Variants in TMEM259 observed in about 807,000 individuals in gnomAD.
TMEM259 encodes transmembrane protein 259.
Under a neutral mutation model 46.7 loss-of-function variants are expected in TMEM259, and 26 were observed. That is an observed-to-expected ratio of 0.56 (90% confidence interval 0.41 to 0.77). TMEM259 has a LOEUF of 0.77. Ranked by LOEUF, TMEM259 falls within the 30% of genes least tolerant of loss-of-function variation. TMEM259 has a pLI of 0.00. For missense variants in TMEM259, 930 were observed against 900.5 expected (o/e 1.03, Z -0.42); for synonymous variants, 494 against 395.1 (o/e 1.25, Z -2.97).
Position 1,010,138 on chromosome 19 carries a change from T to A in TMEM259, c.*212A>T, listed in dbSNP as rs531462585. ...CCACCCCCTCTCCTTGCTGACCAGC[T>A]CAAACACCTCACTAGCGGGTACAAG... On this transcript the variant is annotated 3_prime_UTR_variant, in exon 11 of 11. Transcript: ENST00000356663. The A allele has an allele frequency of 1.9e-6, 1 of 525,982 alleles. No homozygotes were observed. Among genetic ancestry groups the A allele is most frequent in the Admixed American group, 3.9e-5 (1 of 25,824 alleles). The allele number at this position is 525,982 out of a possible 1,614,324, so 32.6% of individuals were successfully genotyped here.
intron 5 of TMEM259, 33 bp downstream of exon 5, chr19:1,012,033 C>T: frequency 1.2e-6 from 2 of 1,611,752 alleles, no homozygotes. Context: ...CCCACCCGCG[C>T]CCTCGCACCC....
Position 1,010,392 on chromosome 19 carries a change from G to A in TMEM259, c.1821C>T (p.Ala607=), listed in dbSNP as rs2038861201. The change falls in exon 11 of 11, where the codon GCC becomes GCT. Residue 607 remains alanine (A), a synonymous_variant. Coordinates refer to ENST00000356663, the MANE Select transcript of TMEM259 (RefSeq NM_001033026.2). The part of the protein sequence containing the change: ...LGAAVGGPSP[A]SMAPTEAPSE... ...AGGGCGCCTCCGTTGGGGCCATGGA[G>A]GCCGGGCTAGGCCCGCCTACCGCAG... 1 of 1,509,030 alleles carries A rather than the reference G, an allele frequency of 6.6e-7. No homozygotes were observed. Among genetic ancestry groups the A allele is most frequent in the African/African-American group, 1.4e-5 (1 of 69,796 alleles). 93.5% of individuals were successfully genotyped at this position (1,509,030 alleles called of 1,614,324 possible).
At position 1,020,576 on chromosome 19, in the gene TMEM259, G is replaced by C. The variant is rs2039259793; in HGVS notation, c.225+196C>G. Among the ~76,000 whole-genome samples, 1 of 152,144 alleles carries C rather than the reference G, an allele frequency of 6.6e-6. No individual in the cohort carries two copies. The highest frequency in any genetic ancestry group is 2.4e-5 in the African/African-American group (1 of 41,436). On this transcript the variant is annotated intron_variant, in intron 1 of 10. Transcript: ENST00000356663. This position sits in a 1 kb window ranked among gnomAD's most constrained non-coding sequence, Gnocchi z 4.0. Reference sequence around the variant, plus strand: ...ACGTCCCCGGGCGGGATGGGGTCACGAGACGGTGTCCCTGGCCAATCCCAG... The same window carrying C: ...ACGTCCCCGGGCGGGATGGGGTCACCAGACGGTGTCCCTGGCCAATCCCAG...
At chr19:1,014,652 G>A (rs943257023) in intron 1 of TMEM259, among the ~76,000 whole-genome samples, 179 bp from the exon 2 acceptor site, 6 of 152,138 alleles carry the variant, frequency 3.9e-5, no homozygotes, top group Non-Finnish European at 7.4e-5. Flanking sequence ...TGACTGCACC[G>A]GGCCAGCCCC....
rs2038850352 is a variant in TMEM259, at chr19:1,010,118, C to T, written c.*232G>A. The stretch of plus-strand genomic sequence containing the variant: ...CCAGAACCTTCCGCGGAACCCCACC[C>T]CCTCTCCTTGCTGACCAGCTCAAAC... On this transcript the variant is annotated 3_prime_UTR_variant, in exon 11 of 11. Coordinates refer to ENST00000356663, the MANE Select transcript of TMEM259 (RefSeq NM_001033026.2). 1 of 506,960 alleles carries T rather than the reference C, an allele frequency of 2.0e-6. No individual in the cohort carries two copies. Among genetic ancestry groups the T allele is most frequent in the South Asian group, 3.2e-5 (1 of 30,792 alleles). The allele number at this position is 506,960 out of a possible 1,614,324, so 31.4% of individuals were successfully genotyped here.
rs1021389781 is a variant in TMEM259 at position 1,020,936 on chromosome 19, GGCC to G, written c.58_60del (p.Gly20del). 6.4e-5 allele frequency: 81 copies of G among 1,264,794 alleles called. No homozygotes were observed. The highest frequency in any genetic ancestry group is 3.6e-4 in the South Asian group (10 of 27,688). The allele number at this position is 1,264,794 out of a possible 1,614,324, so 78.3% of individuals were successfully genotyped here. On this transcript the variant is annotated inframe_deletion, in exon 1 of 11. Coordinates refer to ENST00000356663, the MANE Select transcript of TMEM259 (RefSeq NM_001033026.2). The surrounding 1 kb of genome is among the most constrained non-coding windows in gnomAD (Gnocchi z 4.0). ...GTGCGAGGCCCGCGCGCGGGGGCCGGGCCGCCGCCGCCGCCGTTGGGCCCGGGC... is the reference window on the plus strand; with the variant it reads ...GTGCGAGGCCCGCGCGCGGGGGCCGGGCCGCCGCCGCCGTTGGGCCCGGGC...
rs113349320 is a variant in TMEM259, at chr19:1,010,948, C to T, written c.1318-53G>A. 726 of 1,565,402 alleles carry T rather than the reference C, an allele frequency of 4.6e-4. 4 individuals are homozygous for T. The African/African-American group carries it at 7.3e-3, about 16-fold the overall frequency. ...CGGGCCCGCCCCTGCCCCACCCAGC[C>T]GCTGCTCCCAGAGGGCAGCCCACCC... On this transcript the variant is annotated intron_variant, in intron 10 of 10. Coordinates refer to ENST00000356663, the MANE Select transcript of TMEM259 (RefSeq NM_001033026.2).
intron 1 of TMEM259, among the ~76,000 whole-genome samples, chr19:1,016,404 G>T (rs1303657577): frequency 6.6e-6 from 1 of 152,222 alleles, no homozygotes; most frequent in Non-Finnish European, 1.5e-5. Context: ...TGACCCCACA[G>T]CCCCTCGGCT....
Position 1,013,172 on chromosome 19 carries a change from C to T in TMEM259, c.607+69G>A, listed in dbSNP as rs996393320. 54 of 1,397,594 alleles carry T rather than the reference C, an allele frequency of 3.9e-5. No individual in the cohort carries two copies. The Admixed American group carries it at 6.8e-4, about 18-fold the overall frequency. The allele number at this position is 1,397,594 out of a possible 1,614,324, so 86.6% of individuals were successfully genotyped here. A position where few individuals can be genotyped will look rare whatever the true frequency, so the allele number is the denominator to read the frequency against. Reference sequence around the variant, plus strand: ...AGGCTGGGGATGTTCGGAGGGACCCCGCCTGCACCCCAGCACCCCATGACT... The same window carrying T: ...AGGCTGGGGATGTTCGGAGGGACCCTGCCTGCACCCCAGCACCCCATGACT... On this transcript the variant is annotated intron_variant, in intron 3 of 10. Coordinates refer to ENST00000356663, the MANE Select transcript of TMEM259 (RefSeq NM_001033026.2).
chr19:1,014,380 G>T lies in TMEM259; in HGVS notation c.319C>A (p.Arg107Ser), dbSNP rs144593243. The T allele has an allele frequency of 2.1e-5, 34 of 1,612,804 alleles. No homozygotes were observed. The highest frequency in any genetic ancestry group is 1.7e-6 in the Non-Finnish European group (2 of 1,179,914). Residue 107 changes from arginine to serine, a missense_variant, in exon 2 of 11, where the codon CGT (arginine) becomes AGT (serine). Coordinates refer to ENST00000356663, the MANE Select transcript of TMEM259 (RefSeq NM_001033026.2). ...CLEHVRDKWP[R>S]EGILRVEVRH... Reference sequence around the variant, plus strand: ...ACTTCCACACGCAGGATGCCCTCACGCGGCCACTTGTCACGCACATGCTCC... The same window carrying T: ...ACTTCCACACGCAGGATGCCCTCACTCGGCCACTTGTCACGCACATGCTCC...
intron 1 of TMEM259, 70 bp from the exon 2 acceptor site, chr19:1,014,543 ATGGGGC>A: frequency 2.0e-6 from 1 of 500,894 alleles, no homozygotes. Context: ...GGCCTACGTG[ATGGGGC>A]GTGATGGGGC....
At chr19:1,019,765 G>C (rs1390147324) in intron 1 of TMEM259, among the ~76,000 whole-genome samples, 1 of 152,194 alleles carries the variant, frequency 6.6e-6, no homozygotes, top group Admixed American at 6.5e-5. Flanking sequence ...AAAAGCTCAC[G>C]GCGCAACTTC....
chr19:1,017,523 C>A, intron 1 of TMEM259: 1 of 398,318 alleles, frequency 2.5e-6, no homozygotes, highest in South Asian at 1.3e-4. Flanking sequence ...GCACAGGAGT[C>A]ACCCCACCCC....
At chr19:1,017,792 G>A (rs977964365) in intron 1 of TMEM259, among the ~76,000 whole-genome samples, 7 of 152,188 alleles carry the variant, frequency 4.6e-5, no homozygotes, top group African/African-American at 1.2e-4. Context: ...ACAAGCCCGC[G>A]GAGCCACACT....
rs2038884099 is a variant in TMEM259 at position 1,010,804 on chromosome 19, A to C, written c.1409T>G (p.Leu470Arg). Residue 470 changes from leucine to arginine, a missense_variant, in exon 11 of 11, where the codon CTG becomes CGG. Transcript: ENST00000356663. ...IQEMLLQAPPLGPGTPTALPD... is the reference protein window; with the variant it reads ...IQEMLLQAPPRGPGTPTALPD... Reference sequence around the variant, plus strand: ...CAGCGCCGTGGGGGTCCCGGGGCCCAGTGGCGGCGCCTGAAGCAGCATCTC... The same window carrying C: ...CAGCGCCGTGGGGGTCCCGGGGCCCCGTGGCGGCGCCTGAAGCAGCATCTC... 1.9e-6 allele frequency: 3 copies of C among 1,578,020 alleles called. No individual in the cohort carries two copies. The highest frequency in any genetic ancestry group is 2.6e-6 in the Non-Finnish European group (3 of 1,170,814).
rs961578826 is a variant in TMEM259 at position 1,010,713 on chromosome 19, G to C, written c.1500C>G (p.Pro500=). Residue 500 remains proline (P), a synonymous_variant, in exon 11 of 11, where the codon CCC becomes CCG. Transcript: ENST00000356663. ...ATAPDSAGQP[P]ALGPVSPGAS... Reference sequence around the variant, plus strand: ...CCCCAGGCGAGACGGGGCCCAGGGCGGGGGGCTGGCCGGCAGAGTCAGGGG... The same window carrying C: ...CCCCAGGCGAGACGGGGCCCAGGGCCGGGGGCTGGCCGGCAGAGTCAGGGG... The C allele has an allele frequency of 1.3e-6, 2 of 1,528,212 alleles. No individual in the cohort carries two copies. Among genetic ancestry groups the C allele is most frequent in the Non-Finnish European group, 1.7e-6 (2 of 1,143,510 alleles). The allele number at this position is 1,528,212 out of a possible 1,614,324, so 94.7% of individuals were successfully genotyped here. A position where few individuals can be genotyped will look rare whatever the true frequency, so the allele number is the denominator to read the frequency against.
At chr19:1,012,862 C>T (rs1335568713) in intron 3 of TMEM259, among the ~76,000 whole-genome samples, 1 of 152,188 alleles carries the variant, frequency 6.6e-6, no homozygotes, top group Admixed American at 6.5e-5. Context: ...GCCCCCAGCA[C>T]ACCCCCAACA....
chr19:1,013,321 G>A lies in TMEM259; in HGVS notation c.527C>T (p.Pro176Leu). ...GCTACTCGGCGGCTTGAACACCTTG[G>A]GCTCGATGTCCAGCTCAAACTGTGG... ...SSIKFELDIE[P>L]KVFKPPSSTE... Residue 176 changes from proline (P) to leucine (L), a missense_variant, in exon 3 of 11, where the codon CCC (proline) becomes CTC (leucine). Physicochemically the swap from Pro to Leu is moderately conservative, Grantham distance 98. Transcript: ENST00000356663. The A allele has an allele frequency of 1.9e-6, 3 of 1,613,622 alleles. No homozygotes were observed. Among genetic ancestry groups the A allele is most frequent in the Non-Finnish European group, 2.5e-6 (3 of 1,179,724 alleles).
chr19:1,012,675 T>A, intron 3 of TMEM259, 102 bp from the exon 4 acceptor site: 1 of 1,457,398 alleles, frequency 6.9e-7, no homozygotes, highest in Non-Finnish European at 9.2e-7. Context: ...TGAGACCTGC[T>A]GAGCCCTGGG....
Sources: gnomAD v4.1 joint callset for allele counts (sites outside exome capture counted in the v4.1 genomes callset) on GRCh38, gnomAD v4.1.1 for gene constraint, Gnocchi (gnomAD v3.1) non-coding constraint, MANE v1.5 for transcripts, NCBI Gene and HGNC (gene_info 2026-07-23, HGNC 2026-07-21) for gene names.